Variants in PANK2 observed in about 807,000 individuals in gnomAD.
The protein encoded by PANK2 is pantothenate kinase 2, mitochondrial.
In PANK2, 36 loss-of-function variants were observed where a neutral mutation model predicts 43.1. The ratio of observed to expected loss-of-function variants is 0.84; its 90% CI spans 0.64 to 1.10. The LOEUF (loss-of-function observed/expected upper bound fraction) is 1.10, where lower values mean the gene tolerates loss of function less well. Among genes scored for constraint, PANK2 ranks in the 50% least tolerant of loss-of-function variants. The pLI is 0.00. For synonymous variants in PANK2, 281 were observed against 238.2 expected, an observed-to-expected ratio of 1.18 and a Z score of -1.66; for missense variants, 576 against 593.3, an observed-to-expected ratio of 0.97 and a Z score of 0.30.
chr20:3,900,233 G>A (rs977907442), intron 1 of PANK2, among the ~76,000 whole-genome samples: 2 of 151,816 alleles, frequency 1.3e-5, no homozygotes, highest in African/African-American at 2.4e-5. Flanking sequence ...CAGTGTTTCC[G>A]TCAGTAACTA....
At position 3,889,631 on chromosome 20, in the gene PANK2, C is replaced by T. The variant is rs756936934; in HGVS notation, c.201C>T (p.Ala67=). Residue 67 remains alanine (A), a synonymous_variant, in exon 1 of 7, where the codon GCC becomes GCT. Transcript: ENST00000610179. ...GCGCGTCGGTGCCCGCGGTCGGGGCCTCGGCTGAGGGCACGAGGCGGGATC... is the reference window on the plus strand; with the variant it reads ...GCGCGTCGGTGCCCGCGGTCGGGGCTTCGGCTGAGGGCACGAGGCGGGATC... The T allele has an allele frequency of 1.1e-5, 17 of 1,566,158 alleles. No individual in the cohort carries two copies. Among genetic ancestry groups the T allele is most frequent in the Admixed American group, 1.8e-5 (1 of 56,036 alleles).
At position 3,912,721 on chromosome 20, in the gene PANK2, A is replaced by T. The variant is rs1031922138; in HGVS notation, c.1082+87A>T. 1.3e-5 allele frequency: 18 copies of T among 1,431,552 alleles called. No homozygotes were observed. In the African/African-American group the frequency reaches 1.5e-4, roughly 12 times the overall value. 88.7% of individuals were successfully genotyped at this position (1,431,552 alleles called of 1,614,324 possible). ...AATCCCAAAACTTTGAGAGGCCGAGATGGGCAGATCATGAGGTCAGGAGTT... is the reference window on the plus strand; with the variant it reads ...AATCCCAAAACTTTGAGAGGCCGAGTTGGGCAGATCATGAGGTCAGGAGTT... On this transcript the variant is annotated intron_variant, in intron 4 of 6. Transcript: ENST00000610179.
chr20:3,917,132 C>A, intron 5 of PANK2, 82 bp downstream of exon 5: 1 of 1,562,918 alleles, frequency 6.4e-7, no homozygotes. Context: ...TTTCTCAGAA[C>A]AGTGCCTAAA....
intron 6 of PANK2, among the ~76,000 whole-genome samples, chr20:3,922,441 C>T (rs2090661075): frequency 6.6e-6 from 1 of 152,212 alleles, no homozygotes; most frequent in African/African-American, 2.4e-5. Context: ...CTCAGGAGGG[C>T]TGAGGGCTGC....
Position 3,929,583 on chromosome 20 carries a change from A to G in PANK2, c.*6289A>G, listed in dbSNP as rs1323666172. The G allele has an allele frequency of 6.6e-6, 1 of 152,360 alleles. No individual in the cohort carries two copies. The highest frequency in any genetic ancestry group is 1.5e-5 in the Non-Finnish European group (1 of 68,130). The allele number at this position is 152,360 out of a possible 1,614,324, so 9.4% of individuals were successfully genotyped here. A position where few individuals can be genotyped will look rare whatever the true frequency, so the allele number is the denominator to read the frequency against. On this transcript the variant is annotated 3_prime_UTR_variant, in exon 7 of 7. Coordinates refer to ENST00000610179, the MANE Select transcript of PANK2 (RefSeq NM_001386393.1). ...GACACAAGAGCTTGCCTAAGTGACC[A>G]CAACAGTTGCAGCCACACATCACCA... is the stretch of plus-strand genomic sequence containing the variant.
chr20:3,916,720 A>G (rs2090565711), intron 4 of PANK2, among the ~76,000 whole-genome samples: 1 of 152,192 alleles, frequency 6.6e-6, no homozygotes, highest in African/African-American at 2.4e-5. Context: ...ACCGCAGGGA[A>G]AGCTGTCTGC....
intron 3 of PANK2, among the ~76,000 whole-genome samples, chr20:3,911,351 G>T (rs2090465563): frequency 6.6e-6 from 1 of 152,072 alleles, no homozygotes; most frequent in South Asian, 2.1e-4. Context: ...TTGGGAGGCT[G>T]GGGCGGGTGG....
intron 6 of PANK2, among the ~76,000 whole-genome samples, chr20:3,920,973 A>T (rs1008629037): frequency 6.6e-6 from 1 of 152,028 alleles, no homozygotes; most frequent in Non-Finnish European, 1.5e-5. Flanking sequence ...TTGCTGGTCC[A>T]TTTGTCCCTG....
intron 1 of PANK2, among the ~76,000 whole-genome samples, chr20:3,899,399 A>G (rs2090263226): frequency 6.6e-6 from 1 of 150,416 alleles, no homozygotes; most frequent in Non-Finnish European, 1.5e-5. Flanking sequence ...TCGAACTCCT[A>G]ACCTCTGGTG....
At position 3,918,977 on chromosome 20, in the gene PANK2, G is replaced by T. The variant is rs369817369; in HGVS notation, c.1332+181G>T. On this transcript the variant is annotated intron_variant, in intron 6 of 6. Coordinates refer to ENST00000610179, the MANE Select transcript of PANK2 (RefSeq NM_001386393.1). ...TTGGAGTGCGTGGCACAGTCTTGGG[G>T]CTCACTGCAGCCTCCGCCTCCTGGG... 1.3e-3 allele frequency among the ~76,000 whole-genome samples: 191 copies of T among 152,258 alleles called. 4 individuals are homozygous for T. Among genetic ancestry groups the T allele is most frequent in the South Asian group, 7.5e-3 (36 of 4,822 alleles).
In PANK2 at chr20:3,906,502, C is replaced by T. The variant is rs376313501; in HGVS notation, c.299-1424C>T. Among the ~76,000 whole-genome samples, 3 of 152,092 alleles carry T rather than the reference C, an allele frequency of 2.0e-5. No homozygotes were observed. In the South Asian group the frequency reaches 6.2e-4, roughly 31 times the overall value. ...ATTGAACATCATAGCTTAGCCAAAC[C>T]TACCTTAAATGTGCTTAGAACCCTT... On this transcript the variant is annotated intron_variant, in intron 1 of 6. Coordinates refer to ENST00000610179, the MANE Select transcript of PANK2 (RefSeq NM_001386393.1).
chr20:3,911,384 A>T (rs1381245930), intron 3 of PANK2, among the ~76,000 whole-genome samples: 1 of 150,746 alleles, frequency 6.6e-6, no homozygotes, highest in African/African-American at 2.4e-5. Context: ...GGAGTTCAAG[A>T]CCAGCCTGGC....
rs2090453964 is a variant in PANK2, at chr20:3,910,624, C to T, written c.699C>T (p.Ile233=). The change falls in exon 3 of 7, where the codon ATC becomes ATT. Residue 233 remains isoleucine, a synonymous_variant. Coordinates refer to ENST00000610179, the MANE Select transcript of PANK2 (RefSeq NM_001386393.1). ...AACTGGATGAACTAGATTGCTTGAT[C>T]AAAGGAATTTTATACATTGACTCAG... 6.2e-7 allele frequency: 1 copy of T among 1,614,070 alleles called. No homozygotes were observed. Among genetic ancestry groups the T allele is most frequent in the Non-Finnish European group, 8.5e-7 (1 of 1,180,006 alleles).
chr20:3,918,361 T>TG (rs1291698989), intron 5 of PANK2, among the ~76,000 whole-genome samples: 2 of 148,564 alleles, frequency 1.3e-5, no homozygotes, highest in Non-Finnish European at 3.0e-5. Context: ...GGAGTCATAC[T>TG]GTTTTTTTTT....
intron 2 of PANK2, among the ~76,000 whole-genome samples, chr20:3,910,025 C>G (rs1321985244): frequency 6.6e-6 from 1 of 152,204 alleles, no homozygotes; most frequent in African/African-American, 2.4e-5. Flanking sequence ...CCCCTCCCTC[C>G]CAAGAGGCTG....
intron 1 of PANK2, among the ~76,000 whole-genome samples, chr20:3,900,311 C>T (rs755140200): frequency 4.0e-5 from 6 of 151,552 alleles, no homozygotes; most frequent in Non-Finnish European, 8.8e-5. Flanking sequence ...AAGGAAGGGG[C>T]GTGATTGTCT....
intron 4 of PANK2, among the ~76,000 whole-genome samples, chr20:3,913,811 C>A (rs1384494741): frequency 8.2e-6 from 1 of 121,294 alleles, no homozygotes; most frequent in Non-Finnish European, 1.7e-5. Flanking sequence ...TTTTTTGAGA[C>A]GGAGTCTTGG....
chr20:3,915,595 A>C (rs527511061), intron 4 of PANK2, among the ~76,000 whole-genome samples: 1 of 152,212 alleles, frequency 6.6e-6, no homozygotes, highest in South Asian at 2.1e-4. Context: ...CACGCCCGCC[A>C]GTTTTAGCTC....
chr20:3,910,929 A>C lies in PANK2; in HGVS notation c.905+99A>C, dbSNP rs6116089. ...TACACCTTCAAGAACCTGTTAGGTGAAAGTGTTTCTGGATTATGCAAACAA... is the reference window on the plus strand; with the variant it reads ...TACACCTTCAAGAACCTGTTAGGTGCAAGTGTTTCTGGATTATGCAAACAA... On this transcript the variant is annotated intron_variant, in intron 3 of 6. Transcript: ENST00000610179. 4,211 of 1,442,774 alleles carry C rather than the reference A, an allele frequency of 2.9e-3. 117 individuals carry two copies. The African/African-American group carries it at 0.053, about 18-fold the overall frequency. 89.4% of individuals were successfully genotyped at this position (1,442,774 alleles called of 1,614,324 possible).
Sources: gnomAD v4.1 joint callset for allele counts (sites outside exome capture counted in the v4.1 genomes callset) on GRCh38, gnomAD v4.1.1 for gene constraint, MANE v1.5 for transcripts, NCBI Gene and HGNC (gene_info 2026-07-23, HGNC 2026-07-21) for gene names.